ARHGEF10L: variants seen among roughly 807,000 people sequenced by gnomAD.
ARHGEF10L encodes the protein Rho guanine nucleotide exchange factor 10 like.
ARHGEF10L carries 69 observed loss-of-function variants against 141.2 expected under a neutral mutation model. The ratio of observed to expected loss-of-function variants is 0.49; its 90% confidence interval spans 0.40 to 0.60. The LOEUF (loss-of-function observed/expected upper bound fraction) is 0.60, where lower values mean the gene tolerates loss of function less well. Among genes scored for constraint, ARHGEF10L ranks in the 20% least tolerant of loss-of-function variants. The probability of loss-of-function intolerance (pLI) is 0.00; values close to 1 mark genes in which losing one functional copy is unlikely to be tolerated. For missense variants in ARHGEF10L, 1,482 were observed against 1,734.3 expected, an observed-to-expected ratio of 0.85 and a Z score of 2.58; for synonymous variants, 711 against 718.5, an observed-to-expected ratio of 0.99 and a Z score of 0.17.
rs1369685824 is a variant in ARHGEF10L at position 17,648,439 on chromosome 1, A to ATGGGGCCAGGCTTC, written c.2273-107_2273-94dup. On this transcript the variant is annotated intron_variant, in intron 21 of 28. Transcript: ENST00000361221. ...CAGGAGTAGGGTGGGGAGTGACTGG[A>ATGGGGCCAGGCTTC]TGGGGCCAGGCTTCTGGGGCCTGCA... 31 of 1,350,128 alleles carry ATGGGGCCAGGCTTC rather than the reference A, an allele frequency of 2.3e-5. No individual in the cohort carries two copies. In the African/African-American group the frequency reaches 3.3e-4, roughly 15 times the overall value. 83.6% of individuals were successfully genotyped at this position (1,350,128 alleles called of 1,614,324 possible). A position where few individuals can be genotyped will look rare whatever the true frequency, so the allele number is the denominator to read the frequency against.
At position 17,603,182 on chromosome 1, in the gene ARHGEF10L, G is replaced by A. The variant is rs1012099812; in HGVS notation, c.350-326G>A. Among the ~76,000 whole-genome samples the A allele has an allele frequency of 2.6e-4, 39 of 152,018 alleles. No individual in the cohort carries two copies. The highest frequency in any genetic ancestry group is 8.5e-4 in the African/African-American group (35 of 41,374). ...TGGGTGACTGAGGATGCTAGGGCCA[G>A]GGCACAGGTGCTGGACTGCGTCATG... On this transcript the variant is annotated intron_variant, in intron 5 of 28. Transcript: ENST00000361221. The surrounding 1 kb of genome is among the most constrained non-coding windows in gnomAD (Gnocchi z 4.8).
At chr1:17,614,233 G>T (rs576860983) in intron 8 of ARHGEF10L, among the ~76,000 whole-genome samples, 66 of 152,196 alleles carry the variant, frequency 4.3e-4, no homozygotes, top group African/African-American at 1.5e-3. Context: ...ACCCTTTACA[G>T]TTACGAGACC....
At chr1:17,616,627 G>A (rs2059822253) in intron 9 of ARHGEF10L, among the ~76,000 whole-genome samples, 1 of 152,216 alleles carries the variant, frequency 6.6e-6, no homozygotes, top group South Asian at 2.1e-4. Flanking sequence ...AGGGACCCAC[G>A]ATGCATGTAT....
chr1:17,559,576 A>T (rs780961620), intron 1 of ARHGEF10L, among the ~76,000 whole-genome samples: 1 of 151,856 alleles, frequency 6.6e-6, no homozygotes, highest in African/African-American at 2.4e-5. Flanking sequence ...AGGTAGGAAA[A>T]CTCTAAACAG....
In ARHGEF10L at chr1:17,602,121, C is replaced by T. The variant is rs750434458; in HGVS notation, c.258-6C>T. The T allele has an allele frequency of 1.9e-5, 30 of 1,558,038 alleles. No individual in the cohort carries two copies. The highest frequency in any genetic ancestry group is 2.7e-5 in the African/African-American group (2 of 73,546). ...ACACCTCTGCAGTGCCATCTCTTGC[C>T]CGCAGGGTGCCAGCCTGGGTGAGCA... On this transcript the variant is annotated splice_region_variant and splice_polypyrimidine_tract_variant and intron_variant, in intron 4 of 28. Coordinates refer to ENST00000361221, the MANE Select transcript of ARHGEF10L (RefSeq NM_018125.4).
At chr1:17,535,928 G>T (rs541324743), upstream of ARHGEF10L, among the ~76,000 whole-genome samples, 5 of 152,322 alleles carry the variant, frequency 3.3e-5, no homozygotes, top group South Asian at 2.1e-4. Flanking sequence ...CACAGTCCGG[G>T]GGGGAGACAT....
chr1:17,551,875 A>G (rs72643592), intron 1 of ARHGEF10L, among the ~76,000 whole-genome samples: 16,877 of 152,186 alleles, frequency 0.11, 1,278 homozygotes, highest in Non-Finnish European at 0.17. Flanking sequence ...GATGGTGAGT[A>G]ACCCCAGGGA....
the ARHGEF10L span, among the ~76,000 whole-genome samples, chr1:17,514,904 C>T: frequency 1.3e-5 from 2 of 152,136 alleles, no homozygotes; most frequent in East Asian, 1.9e-4. Flanking sequence ...CTCGTGCCAG[C>T]GGCCCCGTCC....
At chr1:17,553,439 A>T (rs2077188900) in intron 1 of ARHGEF10L, among the ~76,000 whole-genome samples, 1 of 152,050 alleles carries the variant, frequency 6.6e-6, no homozygotes, top group Non-Finnish European at 1.5e-5. Flanking sequence ...TGCCTGTGGG[A>T]CTCGAGGAGA....
At chr1:17,657,552 G>A (rs1277376141) in intron 25 of ARHGEF10L, among the ~76,000 whole-genome samples, 2 of 152,168 alleles carry the variant, frequency 1.3e-5, no homozygotes, top group African/African-American at 4.8e-5. Flanking sequence ...CAGCCAGGCT[G>A]TGATTGCCGC....
upstream of ARHGEF10L, among the ~76,000 whole-genome samples, chr1:17,538,065 TA>T (rs200253367): frequency 4.7e-5 from 7 of 149,738 alleles, no homozygotes; most frequent in East Asian, 5.9e-4. Context: ...CCCAGTCTCT[TA>T]AAAAAAAACA....
chr1:17,631,606 G>A (rs561801252), intron 15 of ARHGEF10L, among the ~76,000 whole-genome samples: 48 of 152,330 alleles, frequency 3.2e-4, no homozygotes, highest in Non-Finnish European at 5.7e-4. Flanking sequence ...ATACAGGGCC[G>A]GCCTCTCAGG....
chr1:17,571,554 G>T (rs1360230339), intron 1 of ARHGEF10L, among the ~76,000 whole-genome samples: 2 of 152,086 alleles, frequency 1.3e-5, no homozygotes, highest in African/African-American at 4.8e-5. Context: ...ACTTTTTTGA[G>T]ATGGAGTCTT....
chr1:17,667,886 G>T lies in ARHGEF10L; in HGVS notation c.3009+3291G>T, dbSNP rs562645507. On this transcript the variant is annotated intron_variant, in intron 26 of 28. Coordinates refer to ENST00000361221, the MANE Select transcript of ARHGEF10L (RefSeq NM_018125.4). ...AGACAGCAGCCCTTGCCTGTGTCCC[G>T]GCCACTTCCAACTCCGGGCAGCTGG... is the stretch of plus-strand genomic sequence containing the variant. 7.9e-5 allele frequency among the ~76,000 whole-genome samples: 12 copies of T among 152,262 alleles called. No homozygotes were observed. In the South Asian group the frequency reaches 2.5e-3, roughly 32 times the overall value.
chr1:17,564,840 A>G (rs1158870770), intron 1 of ARHGEF10L, among the ~76,000 whole-genome samples: 2 of 152,120 alleles, frequency 1.3e-5, no homozygotes, highest in Non-Finnish European at 2.9e-5. Context: ...TGGCACTGAC[A>G]TTGGGCAACC....
chr1:17,532,136 G>T, the ARHGEF10L span, among the ~76,000 whole-genome samples: 1 of 152,172 alleles, frequency 6.6e-6, no homozygotes, highest in African/African-American at 2.4e-5. Context: ...GAGGCTCGCT[G>T]TGTCCCCTGG....
At chr1:17,537,692 G>A (rs189742722), upstream of ARHGEF10L, among the ~76,000 whole-genome samples, 29 of 152,026 alleles carry the variant, frequency 1.9e-4, no homozygotes, top group South Asian at 4.2e-4. Context: ...AGCTGGAGGC[G>A]TCAGACATTT....
chr1:17,664,374 C>T, intron 25 of ARHGEF10L, 73 bp from the exon 26 acceptor site: 7 of 1,520,086 alleles, frequency 4.6e-6, no homozygotes, highest in Non-Finnish European at 6.2e-6. Flanking sequence ...GAGCCCCCTG[C>T]TGCTGGCCTG....
At chr1:17,636,315 G>C (rs1009648722) in intron 18 of ARHGEF10L, among the ~76,000 whole-genome samples, 10 of 152,102 alleles carry the variant, frequency 6.6e-5, no homozygotes, top group African/African-American at 2.4e-4. Context: ...TCATTATATT[G>C]TTATTCAAAT....
Sources: allele counts gnomAD v4.1 joint callset (sites outside exome capture counted in the v4.1 genomes callset), GRCh38; gene constraint gnomAD v4.1.1; non-coding constraint Gnocchi (gnomAD v3.1); transcripts MANE v1.5; gene names NCBI Gene and HGNC (gene_info 2026-07-23, HGNC 2026-07-21).